TBC1D19: variants seen among roughly 807,000 people sequenced by gnomAD.
The protein encoded by TBC1D19 is TBC1 domain family, member 19.
TBC1D19 carries 60 observed loss-of-function variants against 89.0 expected under a neutral mutation model. The ratio of observed to expected loss-of-function variants is 0.67; its 90% CI spans 0.55 to 0.84. The LOEUF (loss-of-function observed/expected upper bound fraction) is 0.84. Among genes scored for constraint, TBC1D19 ranks in the 40% least tolerant of loss-of-function variants. TBC1D19 has a pLI of 0.00. For missense variants in TBC1D19, 500 were observed against 610.8 expected, an observed-to-expected ratio of 0.82 and a Z score of 1.91; for synonymous variants, 189 against 199.7, an observed-to-expected ratio of 0.95 and a Z score of 0.45.
intron 7 of TBC1D19, among the ~76,000 whole-genome samples, chr4:26,643,903 A>C (rs1743724936): frequency 6.6e-6 from 1 of 152,204 alleles, no homozygotes; most frequent in African/African-American, 2.4e-5. Context: ...ATAGGCCAAT[A>C]ACAGGCTCTG....
At chr4:26,736,905 T>C (rs1378467003) in intron 16 of TBC1D19, among the ~76,000 whole-genome samples, 1 of 152,178 alleles carries the variant, frequency 6.6e-6, no homozygotes, top group South Asian at 2.1e-4. Flanking sequence ...CTTATGAAGA[T>C]TAGCAAAAGG....
At chr4:26,834,785 C>A in the TBC1D19 span, among the ~76,000 whole-genome samples, 3 of 152,260 alleles carry the variant, frequency 2.0e-5, no homozygotes, top group East Asian at 5.8e-4. Flanking sequence ...AACTATTTTG[C>A]CAGGGAGACC....
chr4:26,848,012 T>A, the TBC1D19 span, among the ~76,000 whole-genome samples: 1 of 152,222 alleles, frequency 6.6e-6, no homozygotes, highest in African/African-American at 2.4e-5. Flanking sequence ...CCACTATCAG[T>A]ATGAGTCCAG....
At chr4:26,851,304 C>CCTCTCTATCTATCTATCTGTCTATCTAT in the TBC1D19 span, among the ~76,000 whole-genome samples, 1 of 146,974 alleles carries the variant, frequency 6.8e-6, no homozygotes, top group African/African-American at 2.5e-5. Flanking sequence ...TAATAAATAC[C>CCTCTCTATCTATCTATCTGTCTATCTAT]CTATCTATCT....
intron 10 of TBC1D19, among the ~76,000 whole-genome samples, chr4:26,673,446 T>TACACACACACACACACACAC (rs61054571): frequency 1.4e-4 from 13 of 90,882 alleles, no homozygotes; most frequent in African/African-American, 5.5e-4. Flanking sequence ...TATATATATA[T>TACACACACACACACACACAC]ACACACACAC....
intron 1 of TBC1D19, among the ~76,000 whole-genome samples, chr4:26,594,901 C>G (rs1287342017): frequency 6.6e-6 from 1 of 152,188 alleles, no homozygotes; most frequent in African/African-American, 2.4e-5. Context: ...CTGGTATAAA[C>G]CTTCATGTGT....
the TBC1D19 span, among the ~76,000 whole-genome samples, chr4:26,833,315 T>A: frequency 6.6e-6 from 1 of 152,142 alleles, no homozygotes; most frequent in East Asian, 1.9e-4. Context: ...GGAGTGTGCG[T>A]CAGCTTTATT....
chr4:26,780,128 C>G, the TBC1D19 span, among the ~76,000 whole-genome samples: 42 of 152,212 alleles, frequency 2.8e-4, no homozygotes, highest in Admixed American at 9.2e-4. Flanking sequence ...TTCACTTTGT[C>G]TAGCTTTGAC....
Position 26,689,838 on chromosome 4 carries a change from T to C in TBC1D19, c.954+1431T>C, listed in dbSNP as rs534547914. On this transcript the variant is annotated intron_variant, in intron 13 of 20. Coordinates refer to ENST00000264866, the MANE Select transcript of TBC1D19 (RefSeq NM_018317.4). Reference sequence around the variant, plus strand: ...AACAATATAGAAATTAGGCCAATAATAACCCTGTGGTGGCCTTGAAATGTT... The same window carrying C: ...AACAATATAGAAATTAGGCCAATAACAACCCTGTGGTGGCCTTGAAATGTT... Among the ~76,000 whole-genome samples the C allele has an allele frequency of 4.3e-3, 656 of 152,270 alleles. 1 individual carries two copies. Among genetic ancestry groups the C allele is most frequent in the Non-Finnish European group, 7.1e-3 (480 of 68,002 alleles).
At chr4:26,635,888 G>A (rs190493888) in intron 4 of TBC1D19, among the ~76,000 whole-genome samples, 14 of 152,174 alleles carry the variant, frequency 9.2e-5, no homozygotes, top group Admixed American at 1.3e-4. Flanking sequence ...GAATGTTGGA[G>A]GTGGGAGTTG....
chr4:26,730,611 C>A (rs1717596935), intron 15 of TBC1D19, among the ~76,000 whole-genome samples: 1 of 152,194 alleles, frequency 6.6e-6, no homozygotes, highest in South Asian at 2.1e-4. Flanking sequence ...GACACGTATA[C>A]TTTGATAACA....
At chr4:26,648,007 T>G (rs1744086354) in intron 7 of TBC1D19, among the ~76,000 whole-genome samples, 3 of 152,092 alleles carry the variant, frequency 2.0e-5, no homozygotes, top group African/African-American at 7.2e-5. Flanking sequence ...GGCAAGAGCT[T>G]TTCAATTCTG....
chr4:26,851,670 GT>G, the TBC1D19 span, among the ~76,000 whole-genome samples: 1 of 152,114 alleles, frequency 6.6e-6, no homozygotes, highest in South Asian at 2.1e-4. Flanking sequence ...ATTTCTATGA[GT>G]AGTGATGTCT....
At chr4:26,765,456 G>T in the TBC1D19 span, among the ~76,000 whole-genome samples, 8 of 147,964 alleles carry the variant, frequency 5.4e-5, no homozygotes, top group African/African-American at 2.0e-4. Flanking sequence ...GGTAGGGGGG[G>T]ATGGTTTATT....
At chr4:26,748,131 A>T (rs1718751476) in intron 18 of TBC1D19, among the ~76,000 whole-genome samples, 1 of 152,226 alleles carries the variant, frequency 6.6e-6, no homozygotes, top group Non-Finnish European at 1.5e-5. Flanking sequence ...ATACACTCTG[A>T]AAAACAGAAT....
chr4:26,684,152 T>C (rs894421502), intron 12 of TBC1D19, among the ~76,000 whole-genome samples: 1 of 152,222 alleles, frequency 6.6e-6, no homozygotes, highest in Non-Finnish European at 1.5e-5. Context: ...ATTTTTAATT[T>C]CTTTTAGTTT....
intron 11 of TBC1D19, among the ~76,000 whole-genome samples, chr4:26,681,550 C>T (rs1482667434): frequency 6.6e-6 from 1 of 150,828 alleles, no homozygotes; most frequent in Admixed American, 6.6e-5. Flanking sequence ...GACGCCGTCT[C>T]AAAAAAAATA....
At chr4:26,792,321 G>T in the TBC1D19 span, among the ~76,000 whole-genome samples, 1 of 152,110 alleles carries the variant, frequency 6.6e-6, no homozygotes, top group Non-Finnish European at 1.5e-5. Context: ...GTGAGCTGAG[G>T]GCAGATAACA....
chr4:26,626,998 C>G (rs1479331989), intron 4 of TBC1D19, among the ~76,000 whole-genome samples: 6 of 151,626 alleles, frequency 4.0e-5, no homozygotes, highest in African/African-American at 1.2e-4. Context: ...ATTAACTCGT[C>G]ATTTAGCATT....
Sources: gnomAD v4.1 joint callset for allele counts (sites outside exome capture counted in the v4.1 genomes callset) on GRCh38, gnomAD v4.1.1 for gene constraint, MANE v1.5 for transcripts, NCBI Gene and HGNC (gene_info 2026-07-23, HGNC 2026-07-21) for gene names.